Variants in PECR observed in about 807,000 individuals in gnomAD.
PECR encodes peroxisomal trans-2-enoyl-CoA reductase.
In PECR, 30 loss-of-function variants were observed where a neutral mutation model predicts 35.3. The observed-to-expected ratio is 0.85, with a 90% confidence interval of 0.64 to 1.15. The LOEUF (loss-of-function observed/expected upper bound fraction) is 1.15, where lower values mean the gene tolerates loss of function less well. Among genes scored for constraint, PECR ranks in the 50% most tolerant of loss-of-function variants. The pLI is 0.00. For synonymous variants in PECR, 148 were observed against 138.9 expected, an observed-to-expected ratio of 1.07 and a Z score of -0.46; for missense variants, 392 against 370.8, an observed-to-expected ratio of 1.06 and a Z score of -0.47.
At chr2:216,050,081 G>A (rs1438975382) in intron 5 of PECR, among the ~76,000 whole-genome samples, 4 of 152,148 alleles carry the variant, frequency 2.6e-5, no homozygotes, top group Non-Finnish European at 5.9e-5. Context: ...AATTAGCTGG[G>A]CATGGTGGTA....
In PECR at chr2:216,066,440, G is replaced by A. The variant is rs374570784; in HGVS notation, c.203C>T (p.Pro68Leu). Residue 68 changes from proline (P) to leucine (L), a missense_variant, in exon 2 of 8, where the codon CCC becomes CTC. Transcript: ENST00000265322. ...AADELQANLP[P>L]TKQARVIPIQ... is the part of the protein sequence containing the mutation. Reference sequence around the variant, plus strand: ...GGGAATGACTCGTGCCTGCTTTGTGGGAGGTAGGTTGGCCTGCAGTTCATC... The same window carrying A: ...GGGAATGACTCGTGCCTGCTTTGTGAGAGGTAGGTTGGCCTGCAGTTCATC... 8 of 1,613,550 alleles carry A rather than the reference G, an allele frequency of 5.0e-6. No homozygotes were observed. In the African/African-American group the frequency reaches 1.1e-4, roughly 22 times the overall value.
intron 1 of PECR, among the ~76,000 whole-genome samples, chr2:216,078,815 C>T (rs1428291638): frequency 6.6e-6 from 1 of 152,114 alleles, no homozygotes; most frequent in African/African-American, 2.4e-5. Flanking sequence ...TAGTCTATCA[C>T]CTTATTCCAG....
At chr2:216,034,679 G>A (rs942422922), downstream of PECR, among the ~76,000 whole-genome samples, 2 of 152,144 alleles carry the variant, frequency 1.3e-5, no homozygotes, top group East Asian at 1.9e-4. Flanking sequence ...AAAGTGGCCC[G>A]AGATGAGAAT....
intron 7 of PECR, among the ~76,000 whole-genome samples, chr2:216,042,970 C>CATATAT (rs1694915136): frequency 1.4e-4 from 10 of 69,800 alleles, no homozygotes; most frequent in African/African-American, 6.2e-4. Flanking sequence ...TATACACATA[C>CATATAT]GTATATGTGT....
At chr2:216,056,361 TA>T (rs1695225043) in intron 4 of PECR, among the ~76,000 whole-genome samples, 1 of 152,056 alleles carries the variant, frequency 6.6e-6, no homozygotes. Context: ...AATAGTGAAA[TA>T]AAATTAGCAA....
intron 7 of PECR, among the ~76,000 whole-genome samples, chr2:216,040,835 C>A (rs1694874289): frequency 6.6e-6 from 1 of 152,080 alleles, no homozygotes; most frequent in Non-Finnish European, 1.5e-5. Flanking sequence ...CATGTCACTG[C>A]ACTCCAGCCT....
intron 6 of PECR, among the ~76,000 whole-genome samples, chr2:216,048,412 T>C (rs887746965): frequency 2.0e-5 from 3 of 151,548 alleles, no homozygotes; most frequent in African/African-American, 7.3e-5. Flanking sequence ...AAAATTGCAT[T>C]TCAAGACTGA....
rs1457928603 is a variant in PECR at position 216,065,420 on chromosome 2, T to C, written c.316A>G (p.Asn106Asp). Residue 106 changes from asparagine to aspartate, a missense_variant, in exon 3 of 8, where the codon AAC becomes GAC. Asn to Asp is a conservative substitution (Grantham distance 23). Coordinates refer to ENST00000265322, the MANE Select transcript of PECR (RefSeq NM_018441.6). The part of the protein sequence containing the change: ...DTFGKINFLV[N>D]NGGGQFLSPA... ...GAAAGAAACTGGCCTCCTCCATTGTTCACCAAGAAATTGATCTTACCAAAA... is the reference window on the plus strand; with the variant it reads ...GAAAGAAACTGGCCTCCTCCATTGTCCACCAAGAAATTGATCTTACCAAAA... 6.2e-7 allele frequency: 1 copy of C among 1,607,512 alleles called. No individual in the cohort carries two copies. The highest frequency in any genetic ancestry group is 8.5e-7 in the Non-Finnish European group (1 of 1,173,932).
chr2:216,034,687 A>T (rs1408010682), downstream of PECR, among the ~76,000 whole-genome samples: 1 of 152,114 alleles, frequency 6.6e-6, no homozygotes, highest in African/African-American at 2.4e-5. Context: ...CCGAGATGAG[A>T]ATATATACAG....
intron 7 of PECR, 134 bp downstream of exon 7, chr2:216,043,770 T>C: frequency 1.5e-6 from 1 of 660,240 alleles, no homozygotes; most frequent in Non-Finnish European, 2.8e-6. Context: ...ACATCATGAA[T>C]ATAAACATTT....
Position 216,029,346 on chromosome 2 carries a change from C to T in PECR, c.*440+9845G>A, listed in dbSNP as rs371469521. The stretch of plus-strand genomic sequence containing the variant: ...TACAAAAATTAGCTGGGCGTGGTGG[C>T]GCGCTTCTGTAGTCCCAGCTACTCA... On this transcript the variant is annotated intron_variant and NMD_transcript_variant, in intron 7 of 7. Transcript: ENST00000442122. Among the ~76,000 whole-genome samples the T allele has an allele frequency of 3.3e-5, 5 of 152,080 alleles. No homozygotes were observed. In the South Asian group the frequency reaches 1.0e-3, roughly 32 times the overall value.
At chr2:216,062,371 T>C (rs1472345085) in intron 3 of PECR, among the ~76,000 whole-genome samples, 2 of 152,144 alleles carry the variant, frequency 1.3e-5, no homozygotes, top group African/African-American at 4.8e-5. Flanking sequence ...AAATGATAGG[T>C]ATACAGAAAT....
intron 6 of PECR, among the ~76,000 whole-genome samples, chr2:216,044,256 AG>A (rs1450494101): frequency 1.3e-5 from 2 of 152,174 alleles, no homozygotes; most frequent in Non-Finnish European, 2.9e-5. Context: ...GGTATGAGGG[AG>A]CCTTAGACGA....
At chr2:216,043,706 T>C (rs1246733551) in intron 7 of PECR, among the ~76,000 whole-genome samples, 198 bp downstream of exon 7, 1 of 152,188 alleles carries the variant, frequency 6.6e-6, no homozygotes, top group Admixed American at 6.5e-5. Context: ...CTCAGTTCCA[T>C]AATATAGATA....
intron 1 of PECR, among the ~76,000 whole-genome samples, chr2:216,077,323 G>A (rs976669837): frequency 7.5e-5 from 6 of 79,498 alleles, no homozygotes; most frequent in African/African-American, 3.8e-4. Flanking sequence ...TGGCTAACAC[G>A]GTGAAACCCC....
chr2:216,030,946 TCTCTCTCTCTCACACACA>T (rs1342776652), intron 7 of PECR, among the ~76,000 whole-genome samples: 13 of 89,308 alleles, frequency 1.5e-4, no homozygotes, highest in African/African-American at 4.7e-4. Flanking sequence ...TCTCTCTCTC[TCTCTCTCTCTCACACACA>T]CACACACACA....
intron 7 of PECR, among the ~76,000 whole-genome samples, chr2:216,043,065 ATGTATG>A (rs1694924260): frequency 4.3e-5 from 2 of 46,026 alleles, no homozygotes; most frequent in Middle Eastern, 9.4e-3. Flanking sequence ...ATACGTATAT[ATGTATG>A]TATATATATA....
chr2:216,041,068 A>G (rs1694878142), intron 7 of PECR, among the ~76,000 whole-genome samples: 1 of 152,152 alleles, frequency 6.6e-6, no homozygotes, highest in African/African-American at 2.4e-5. Flanking sequence ...GCCAATCTTA[A>G]AAGAAAACAC....
intron 1 of PECR, among the ~76,000 whole-genome samples, chr2:216,077,057 G>A (rs908675806): frequency 6.6e-6 from 1 of 151,354 alleles, no homozygotes; most frequent in Non-Finnish European, 1.5e-5. Context: ...GCACCACCTC[G>A]CCTGGCTAAT....
Sources: gnomAD v4.1 joint callset for allele counts (sites outside exome capture counted in the v4.1 genomes callset) on GRCh38, gnomAD v4.1.1 for gene constraint, MANE v1.5 for transcripts, NCBI Gene and HGNC (gene_info 2026-07-23, HGNC 2026-07-21) for gene names.